PARVB: variants seen among roughly 807,000 people sequenced by gnomAD.
PARVB encodes the protein parvin beta, also known as beta-parvin.
Under a neutral mutation model 47.0 loss-of-function variants are expected in PARVB, and 46 were observed. The observed-to-expected ratio is 0.98, with a 90% CI of 0.77 to 1.25. PARVB has a LOEUF of 1.25. Among genes scored for constraint, PARVB ranks in the 50% most tolerant of loss-of-function variants. PARVB has a pLI of 0.00. For synonymous variants in PARVB, 196 were observed against 196.3 expected, an observed-to-expected ratio of 1.00 and a Z score of 0.01; for missense variants, 473 against 471.6, an observed-to-expected ratio of 1.00 and a Z score of -0.03.
intron 9 of PARVB, chr22:44,149,375 A>C (rs945483285): frequency 6.6e-6 from 1 of 151,964 alleles, no homozygotes; most frequent in African/African-American, 2.4e-5. Flanking sequence ...TCCCTTCCTC[A>C]CCTCCACATT....
intron 2 of PARVB, among the ~76,000 whole-genome samples, chr22:44,096,825 C>T (rs1474678651): frequency 2.0e-5 from 3 of 152,034 alleles, no homozygotes; most frequent in South Asian, 2.1e-4. Context: ...GGCGGGGGCT[C>T]GGTTCCCACA....
intron 1 of PARVB, chr22:44,026,297 A>T (rs1261155947): frequency 2.0e-6 from 2 of 984,986 alleles, no homozygotes; most frequent in Admixed American, 6.1e-5. Context: ...AGCAGGAAGC[A>T]TCCTGTGCTG....
At chr22:44,024,120 A>C (rs2050687591), upstream of PARVB, among the ~76,000 whole-genome samples, 1 of 151,900 alleles carries the variant, frequency 6.6e-6, no homozygotes, top group Non-Finnish European at 1.5e-5. Context: ...GGGTGGCCCC[A>C]CGCCCCTTCT....
At chr22:44,094,041 G>A (rs767110043) in intron 2 of PARVB, 24 bp downstream of exon 2, 15 of 1,430,872 alleles carry the variant, frequency 1.0e-5, no homozygotes, top group Non-Finnish European at 1.5e-5. Flanking sequence ...TCCGCTCCCT[G>A]CCCTGAGACA....
At chr22:44,136,219 C>G (rs544388913) in intron 6 of PARVB, among the ~76,000 whole-genome samples, 2 of 152,120 alleles carry the variant, frequency 1.3e-5, no homozygotes, top group Non-Finnish European at 2.9e-5. Flanking sequence ...CTCAAGGCCA[C>G]GTGGAGACCA....
At chr22:44,066,499 G>A (rs1421061978) in intron 1 of PARVB, among the ~76,000 whole-genome samples, 1 of 152,154 alleles carries the variant, frequency 6.6e-6, no homozygotes, top group Non-Finnish European at 1.5e-5. Flanking sequence ...TGCATGTATT[G>A]ACTTTTCTCC....
At chr22:44,004,377 C>T (rs1006590474) in intron 2 of PARVB, among the ~76,000 whole-genome samples, 2 of 152,082 alleles carry the variant, frequency 1.3e-5, no homozygotes, top group Admixed American at 1.3e-4. Context: ...AAAATCCTCT[C>T]AAAGTTGCTG....
chr22:44,148,393 G>GA, intron 9 of PARVB: 1 of 196,388 alleles, frequency 5.1e-6, no homozygotes. Flanking sequence ...TCTGTGGATG[G>GA]AAAAATCTCC....
intron 1 of PARVB, among the ~76,000 whole-genome samples, chr22:44,069,503 G>A (rs1036614350): frequency 5.3e-5 from 8 of 152,142 alleles, no homozygotes; most frequent in African/African-American, 1.9e-4. Flanking sequence ...AGGGGTACCT[G>A]ATACTGTGGG....
At chr22:44,051,956 G>A (rs2051217040) in intron 1 of PARVB, among the ~76,000 whole-genome samples, 1 of 152,118 alleles carries the variant, frequency 6.6e-6, no homozygotes, top group African/African-American at 2.4e-5. Flanking sequence ...GAGGACTGAT[G>A]GCCACCACCA....
At chr22:44,023,309 G>C (rs1360310568), upstream of PARVB, among the ~76,000 whole-genome samples, 2 of 151,454 alleles carry the variant, frequency 1.3e-5, no homozygotes, top group South Asian at 4.2e-4. Context: ...TCAGGGGTTC[G>C]AGACCAGCCT....
chr22:44,042,846 G>A (rs952372997), intron 1 of PARVB, among the ~76,000 whole-genome samples: 1 of 151,968 alleles, frequency 6.6e-6, no homozygotes, highest in African/African-American at 2.4e-5. Flanking sequence ...TAATTTTCTT[G>A]TGTAGAAGAT....
Position 44,116,803 on chromosome 22 carries a change from G to A in PARVB, c.274-2235G>A, listed in dbSNP as rs368658194. On this transcript the variant is annotated intron_variant, in intron 3 of 12. Coordinates refer to ENST00000338758, the MANE Select transcript of PARVB (RefSeq NM_013327.5). ...CTCTGGAGGAGGAAGTGCTGCTCAG[G>A]TAGTGAGGGAGGGGGTGGTATCTGG... 6.5e-3 allele frequency among the ~76,000 whole-genome samples: 989 copies of A among 152,250 alleles called. 4 individuals carry two copies. The highest frequency in any genetic ancestry group is 9.7e-3 in the Non-Finnish European group (658 of 68,008).
At chr22:44,087,616 A>G (rs996260724) in intron 1 of PARVB, among the ~76,000 whole-genome samples, 6 of 152,064 alleles carry the variant, frequency 3.9e-5, no homozygotes, top group African/African-American at 1.4e-4. Flanking sequence ...TCCTAATAAT[A>G]TCAAAAGGGG....
At chr22:44,141,366 T>G (rs949246031) in intron 8 of PARVB, 1 of 152,304 alleles carries the variant, frequency 6.6e-6, no homozygotes, top group Admixed American at 6.5e-5. Context: ...GGAAGCCAGT[T>G]TGAGTCCCAA....
chr22:44,024,481 C>G (rs1238266813), intron 1 of PARVB, 30 bp downstream of exon 1: 1 of 1,110,706 alleles, frequency 9.0e-7, no homozygotes, highest in African/African-American at 1.7e-5. Flanking sequence ...CGCCGACCCC[C>G]GGGGACCTGC....
In PARVB at chr22:44,158,156, G is replaced by A. The variant is rs981451995; in HGVS notation, c.945+73G>A. ...TGAAATGCAGAGCATAGACTATCCC[G>A]GCAGCTCTTCCTGCAGCCTGGCTGC... On this transcript the variant is annotated intron_variant, in intron 11 of 12. Coordinates refer to ENST00000338758, the MANE Select transcript of PARVB (RefSeq NM_013327.5). 1.2e-5 allele frequency: 12 copies of A among 1,008,356 alleles called. No individual in the cohort carries two copies. The African/African-American group carries it at 1.3e-4, about 11-fold the overall frequency. The allele number at this position is 1,008,356 out of a possible 1,614,324, so 62.5% of individuals were successfully genotyped here.
intron 7 of PARVB, among the ~76,000 whole-genome samples, chr22:44,136,951 A>G (rs1337191924): frequency 6.6e-6 from 1 of 152,240 alleles, no homozygotes; most frequent in Non-Finnish European, 1.5e-5. Flanking sequence ...TCCTAGAGAA[A>G]GCCAGAGGGC....
At chr22:44,027,202 T>C (rs1014213473) in intron 1 of PARVB, among the ~76,000 whole-genome samples, 86 of 152,088 alleles carry the variant, frequency 5.7e-4, no homozygotes, top group Non-Finnish European at 1.1e-3. Context: ...TGTTTCAAAC[T>C]TGGGTTCAGC....
Sources: gnomAD v4.1 joint callset for allele counts (sites outside exome capture counted in the v4.1 genomes callset) on GRCh38, gnomAD v4.1.1 for gene constraint, MANE v1.5 for transcripts, NCBI Gene and HGNC (gene_info 2026-07-23, HGNC 2026-07-21) for gene names.